The following TFPI variants were observed in gnomAD, a reference collection of about 807,000 sequenced individuals.
The protein encoded by TFPI is tissue factor pathway inhibitor.
A neutral mutation model predicts 34.6 loss-of-function variants in TFPI; 15 were observed. The observed-to-expected ratio is 0.43, with a 90% CI of 0.29 to 0.67. TFPI has a LOEUF of 0.67. Ranked by LOEUF, TFPI falls within the 30% of genes least tolerant of loss-of-function variation. The pLI, the probability that TFPI is intolerant of heterozygous loss-of-function variation, is 0.15. For synonymous variants in TFPI, 105 were observed against 120.1 expected (o/e 0.87, Z 0.82); for missense variants, 301 against 364.0 (o/e 0.83, Z 1.41).
chr2:187,522,624 C>T (rs1297307420), intron 1 of TFPI, among the ~76,000 whole-genome samples: 1 of 150,946 alleles, frequency 6.6e-6, no homozygotes, highest in Non-Finnish European at 1.5e-5. Flanking sequence ...TGGCTCATAC[C>T]TGTAATCCCA....
In TFPI at chr2:187,466,060, A is replaced by G. The variant is rs1691707380; in HGVS notation, c.*876T>C. On this transcript the variant is annotated 3_prime_UTR_variant, in exon 8 of 8. Transcript: ENST00000233156. ...TTTTAAAGCATGAATTATTAGTTGC[A>G]TTGTGTGCAAATCCTAATGATAACT... 3 of 152,356 alleles carry G rather than the reference A, an allele frequency of 2.0e-5. No individual in the cohort carries two copies. The highest frequency in any genetic ancestry group is 7.2e-5 in the African/African-American group (3 of 41,588). 9.4% of individuals were successfully genotyped at this position (152,356 alleles called of 1,614,324 possible).
chr2:187,521,201 T>G (rs539051713), intron 1 of TFPI, among the ~76,000 whole-genome samples: 6 of 152,246 alleles, frequency 3.9e-5, no homozygotes, highest in African/African-American at 1.4e-4. Flanking sequence ...TATCTTTAAA[T>G]ACATCAATAT....
At chr2:187,475,777 T>C (rs1274466126) in intron 6 of TFPI, among the ~76,000 whole-genome samples, 1 of 152,198 alleles carries the variant, frequency 6.6e-6, no homozygotes, top group African/African-American at 2.4e-5. Context: ...TTCTGAAAAC[T>C]AACTAGAAAA....
chr2:187,483,893 C>T, intron 6 of TFPI: 1 of 480,812 alleles, frequency 2.1e-6, no homozygotes. Context: ...TCATGTGATA[C>T]ATAATCAAAA....
Position 187,468,533 on chromosome 2 carries a change from A to ATT in TFPI, c.629-603_629-602dup, listed in dbSNP as rs5837040. 8.3e-4 allele frequency among the ~76,000 whole-genome samples: 126 copies of ATT among 151,766 alleles called. No individual in the cohort carries two copies. In the East Asian group the frequency reaches 0.022, roughly 26 times the overall value. ...CAGATGAGTTGTTTGTCTTGGTAGC[A>ATT]TTTTTTTTCTCATATTTGAAGCTTA... On this transcript the variant is annotated intron_variant, in intron 6 of 7. Transcript: ENST00000233156.
chr2:187,476,835 A>C (rs1474800182), intron 6 of TFPI, among the ~76,000 whole-genome samples: 1 of 152,186 alleles, frequency 6.6e-6, no homozygotes, highest in Non-Finnish European at 1.5e-5. Flanking sequence ...TTTTTTAAGC[A>C]AAAGAAGTCT....
chr2:187,502,957 T>A (rs1574442284), intron 2 of TFPI, among the ~76,000 whole-genome samples: 1 of 152,316 alleles, frequency 6.6e-6, no homozygotes, highest in East Asian at 1.9e-4. Flanking sequence ...TATCATTTTG[T>A]TAATATTCTC....
intron 4 of TFPI, 30 bp downstream of exon 4, chr2:187,488,307 C>T: frequency 2.6e-6 from 4 of 1,541,302 alleles, no homozygotes; most frequent in Non-Finnish European, 3.5e-6. Flanking sequence ...TACATAAATG[C>T]TTCAAATTTA....
At chr2:187,540,891 A>C (rs1486430898) in intron 1 of TFPI, among the ~76,000 whole-genome samples, 2 of 3,130 alleles carry the variant, frequency 6.4e-4, no homozygotes, top group South Asian at 0.011. Flanking sequence ...ACTCCATCTC[A>C]AAAAAAAAAA....
chr2:187,478,052 A>T (rs1692499982), intron 6 of TFPI, among the ~76,000 whole-genome samples: 2 of 152,240 alleles, frequency 1.3e-5, no homozygotes, highest in South Asian at 4.1e-4. Flanking sequence ...TTCCCCCCAG[A>T]ATATCATAAA....
In TFPI at chr2:187,490,882, T is replaced by G. The variant is rs8176491; in HGVS notation, c.320-2507A>C. 3.8e-3 allele frequency among the ~76,000 whole-genome samples: 571 copies of G among 151,900 alleles called. 1 individual carries two copies. The highest frequency in any genetic ancestry group is 7.7e-3 in the African/African-American group (320 of 41,520). ...ATCTTCATTATGGGCCTATTTGTTATTTCTGCTTGTTTCATTTTTTTAATG... is the reference window on the plus strand; with the variant it reads ...ATCTTCATTATGGGCCTATTTGTTAGTTCTGCTTGTTTCATTTTTTTAATG... On this transcript the variant is annotated intron_variant, in intron 3 of 7. Transcript: ENST00000233156.
chr2:187,542,992 A>T (rs1688663847), intron 1 of TFPI, among the ~76,000 whole-genome samples: 1 of 152,132 alleles, frequency 6.6e-6, no homozygotes, highest in Admixed American at 6.5e-5. Context: ...GAATGATTAT[A>T]TTTGGATTTT....
chr2:187,553,932 C>T (rs1469189470), intron 1 of TFPI, among the ~76,000 whole-genome samples: 1 of 151,940 alleles, frequency 6.6e-6, no homozygotes, highest in Non-Finnish European at 1.5e-5. Context: ...CTACATACAC[C>T]AATTAGTTAC....
At chr2:187,506,489 T>C (rs896913115) in intron 1 of TFPI, among the ~76,000 whole-genome samples, 1 of 152,118 alleles carries the variant, frequency 6.6e-6, no homozygotes, top group African/African-American at 2.4e-5. Flanking sequence ...CTAAAGTCCA[T>C]ATGTTAATCA....
chr2:187,485,929 T>G (rs1693227285), intron 4 of TFPI, among the ~76,000 whole-genome samples: 1 of 151,728 alleles, frequency 6.6e-6, no homozygotes, highest in Non-Finnish European at 1.5e-5. Flanking sequence ...AACTTGTTCT[T>G]CTATGTCAGG....
chr2:187,522,034 C>T (rs941436326), intron 1 of TFPI, among the ~76,000 whole-genome samples: 16 of 151,928 alleles, frequency 1.1e-4, no homozygotes, highest in East Asian at 1.9e-4. Flanking sequence ...ACGTCTTCTT[C>T]GGAGAAAAAT....
At chr2:187,477,101 T>A (rs1692426465) in intron 6 of TFPI, among the ~76,000 whole-genome samples, 1 of 152,198 alleles carries the variant, frequency 6.6e-6, no homozygotes, top group Non-Finnish European at 1.5e-5. Context: ...GGGCAACAAA[T>A]TATCTTGTGT....
chr2:187,503,129 G>A (rs1474106436), intron 2 of TFPI, among the ~76,000 whole-genome samples: 2 of 151,816 alleles, frequency 1.3e-5, no homozygotes, highest in Non-Finnish European at 2.9e-5. Flanking sequence ...AGAGTTTTAT[G>A]GGATTAGATC....
At chr2:187,503,498 C>T (rs1057436166) in intron 2 of TFPI, 150 bp downstream of exon 2, 36 of 837,826 alleles carry the variant, frequency 4.3e-5, no homozygotes, top group Non-Finnish European at 5.8e-5. Context: ...CACACACACA[C>T]ACATACATTA....
Sources: gnomAD v4.1 joint callset for allele counts (sites outside exome capture counted in the v4.1 genomes callset) on GRCh38, gnomAD v4.1.1 for gene constraint, MANE v1.5 for transcripts, NCBI Gene and HGNC (gene_info 2026-07-23, HGNC 2026-07-21) for gene names.